Variants in KLF12 observed in about 807,000 individuals in gnomAD.
KLF12 encodes Krueppel-like factor 12.
KLF12 carries 9 observed loss-of-function variants against 37.8 expected under a neutral mutation model. The observed-to-expected ratio is 0.24, with a 90% CI of 0.14 to 0.42. KLF12 has a LOEUF of 0.42. Among genes scored for constraint, KLF12 ranks in the 10% least tolerant of loss-of-function variants. The pLI is 1.00. For missense variants in KLF12, 411 were observed against 516.0 expected (o/e 0.80, Z 1.97); for synonymous variants, 208 against 202.1 (o/e 1.03, Z -0.25).
At chr13:73,966,472 C>T (rs1017112465) in intron 2 of KLF12, among the ~76,000 whole-genome samples, 1 of 152,110 alleles carries the variant, frequency 6.6e-6, no homozygotes, top group Non-Finnish European at 1.5e-5. Context: ...GATTGTGAGG[C>T]CCTGAAATGT....
chr13:74,210,917 G>A, the KLF12 span, among the ~76,000 whole-genome samples: 3 of 151,820 alleles, frequency 2.0e-5, no homozygotes, highest in Admixed American at 2.0e-4. Flanking sequence ...TTTCACATTT[G>A]CTCTTTACAC....
chr13:74,172,439 T>C, the KLF12 span, among the ~76,000 whole-genome samples: 2 of 152,206 alleles, frequency 1.3e-5, no homozygotes, highest in Non-Finnish European at 2.9e-5. Flanking sequence ...GTGGCTCCAA[T>C]GCCAATTGAT....
intron 2 of KLF12, among the ~76,000 whole-genome samples, chr13:73,980,545 T>C (rs1299071922): frequency 1.3e-5 from 2 of 152,058 alleles, no homozygotes; most frequent in African/African-American, 2.4e-5. Flanking sequence ...AAACTAAATA[T>C]TAAATCAAAA....
chr13:73,852,911 C>T lies in KLF12; in HGVS notation c.124-6538G>A, dbSNP rs148452543. ...TTGAGACGGAGTCTTGGTCTGTCGC[C>T]CAGGCTGGAGTGCAGTGGCGCGATC... On this transcript the variant is annotated intron_variant, in intron 3 of 7. Transcript: ENST00000377669. Among the ~76,000 whole-genome samples the T allele has an allele frequency of 5.8e-4, 87 of 149,058 alleles. 2 individuals carry two copies. In the East Asian group the frequency reaches 0.016, roughly 28 times the overall value.
intron 4 of KLF12, among the ~76,000 whole-genome samples, chr13:73,813,710 T>C (rs187626967): frequency 6.6e-6 from 1 of 152,244 alleles, no homozygotes; most frequent in Non-Finnish European, 1.5e-5. Flanking sequence ...AAAGGAGATA[T>C]TAGTTGCTTA....
At chr13:74,096,573 GTTTCT>G (rs1875999165) in intron 1 of KLF12, among the ~76,000 whole-genome samples, 1 of 152,094 alleles carries the variant, frequency 6.6e-6, no homozygotes, top group Non-Finnish European at 1.5e-5. Context: ...ATAACCTAGG[GTTTCT>G]TTTAAGCTTT....
At chr13:74,107,828 A>G (rs1876738073) in intron 1 of KLF12, among the ~76,000 whole-genome samples, 1 of 152,226 alleles carries the variant, frequency 6.6e-6, no homozygotes, top group South Asian at 2.1e-4. Context: ...CAAAGTGGAA[A>G]ATGACCTTTA....
intron 1 of KLF12, among the ~76,000 whole-genome samples, chr13:74,051,880 C>T (rs1872947295): frequency 6.6e-6 from 1 of 152,064 alleles, no homozygotes. Context: ...TAGAGGAATG[C>T]ATTTTGAATG....
In KLF12 at chr13:73,947,376, C is replaced by T. The variant is rs151315916; in HGVS notation, c.34-3306G>A. Among the ~76,000 whole-genome samples the T allele has an allele frequency of 9.7e-3, 1,472 of 152,180 alleles. 17 individuals are homozygous for T. Among genetic ancestry groups the T allele is most frequent in the African/African-American group, 0.031 (1,306 of 41,510 alleles). ...CAAATATGAATTGGCAATGGCCGGG[C>T]GTGGTGGCTCACTCTTGTAATCACA... On this transcript the variant is annotated intron_variant, in intron 2 of 7. Transcript: ENST00000377669.
the KLF12 span, among the ~76,000 whole-genome samples, chr13:74,260,588 T>G: frequency 9.3e-6 from 1 of 107,494 alleles, no homozygotes; most frequent in African/African-American, 6.9e-5. Flanking sequence ...TAAAATAAAA[T>G]AAAATAAAAT....
At chr13:74,170,622 T>C in the KLF12 span, among the ~76,000 whole-genome samples, 27 of 152,306 alleles carry the variant, frequency 1.8e-4, 2 homozygotes, top group Admixed American at 1.6e-3. Context: ...CTCTCTTTCT[T>C]TGTTCTGGTT....
chr13:74,078,024 TAC>T (rs1874664373), intron 1 of KLF12, among the ~76,000 whole-genome samples: 1 of 152,208 alleles, frequency 6.6e-6, no homozygotes, highest in African/African-American at 2.4e-5. Flanking sequence ...CCAAGGAAGA[TAC>T]AGTGTGTTTT....
chr13:73,973,349 G>T (rs944039302), intron 2 of KLF12, among the ~76,000 whole-genome samples: 3 of 152,144 alleles, frequency 2.0e-5, no homozygotes, highest in African/African-American at 7.2e-5. Context: ...CTGCTCAAAG[G>T]TACAGAAATA....
intron 6 of KLF12, among the ~76,000 whole-genome samples, chr13:73,741,647 C>G (rs1347953334): frequency 6.6e-6 from 1 of 152,192 alleles, no homozygotes; most frequent in African/African-American, 2.4e-5. Context: ...TAAGGCTAAT[C>G]TAAGAGGATT....
chr13:73,700,768 A>G (rs192626676), intron 7 of KLF12, among the ~76,000 whole-genome samples: 319 of 152,236 alleles, frequency 2.1e-3, no homozygotes, highest in Middle Eastern at 0.01. Flanking sequence ...AAGAAAGTCT[A>G]TAAGTGCTCT....
intron 3 of KLF12, among the ~76,000 whole-genome samples, chr13:73,859,947 T>G (rs1885828812): frequency 6.6e-6 from 1 of 152,192 alleles, no homozygotes; most frequent in African/African-American, 2.4e-5. Flanking sequence ...ACTCATAACT[T>G]TTTTTAAAAA....
chr13:73,916,945 G>C (rs1566457925), intron 3 of KLF12, among the ~76,000 whole-genome samples: 1 of 152,130 alleles, frequency 6.6e-6, no homozygotes, highest in Admixed American at 6.6e-5. Flanking sequence ...CATATTCAAA[G>C]CAGTAAATGG....
intron 2 of KLF12, among the ~76,000 whole-genome samples, chr13:73,965,925 T>C (rs1891159502): frequency 6.6e-6 from 1 of 152,190 alleles, no homozygotes; most frequent in Non-Finnish European, 1.5e-5. Context: ...AATACTCTAG[T>C]AGGCGGGGCT....
chr13:73,999,827 G>C (rs1222201156), intron 1 of KLF12, among the ~76,000 whole-genome samples: 1 of 152,184 alleles, frequency 6.6e-6, no homozygotes, highest in African/African-American at 2.4e-5. Context: ...TGACAATACG[G>C]AAGTTTCAGG....
Sources: allele counts gnomAD v4.1 joint callset (sites outside exome capture counted in the v4.1 genomes callset), GRCh38; gene constraint gnomAD v4.1.1; transcripts MANE v1.5; gene names NCBI Gene and HGNC (gene_info 2026-07-23, HGNC 2026-07-21).